ZBTB20: variants seen among roughly 807,000 people sequenced by gnomAD.
The protein encoded by ZBTB20 is zinc finger and BTB domain containing 20, also known as zinc finger and BTB domain-containing protein 20.
Under a neutral mutation model 56.9 loss-of-function variants are expected in ZBTB20, and 9 were observed. That is an observed-to-expected ratio of 0.16 (90% CI 0.10 to 0.28). The LOEUF (loss-of-function observed/expected upper bound fraction) is 0.28. Ranked by LOEUF, ZBTB20 falls within the 10% of genes least tolerant of loss-of-function variation. The probability of loss-of-function intolerance (pLI) is 1.00; values close to 1 mark genes in which losing one functional copy is unlikely to be tolerated. For missense variants in ZBTB20, 655 were observed against 1,003.0 expected, an observed-to-expected ratio of 0.65 and a Z score of 4.69; for synonymous variants, 417 against 420.7, an observed-to-expected ratio of 0.99 and a Z score of 0.11.
rs141941462 is a variant in ZBTB20, at chr3:114,940,834, T to C, written c.-456+33532A>G. Reference sequence around the variant, plus strand: ...GTTCCAAAGGAGCCTATTGCTCCTCTACTCAACAATGAAAGAAATGCATTC... The same window carrying C: ...GTTCCAAAGGAGCCTATTGCTCCTCCACTCAACAATGAAAGAAATGCATTC... On this transcript the variant is annotated intron_variant, in intron 3 of 11. Coordinates refer to ENST00000675478, the MANE Select transcript of ZBTB20 (RefSeq NM_001348800.3). 1.4e-3 allele frequency among the ~76,000 whole-genome samples: 204 copies of C among 146,192 alleles called. 6 individuals are homozygous for C. The Middle Eastern group carries it at 0.041, about 29-fold the overall frequency.
chr3:115,002,101 G>T lies in ZBTB20; in HGVS notation c.-506-27685C>A, dbSNP rs567239785. Among the ~76,000 whole-genome samples, 5 of 151,582 alleles carry T rather than the reference G, an allele frequency of 3.3e-5. No homozygotes were observed. The South Asian group carries it at 1.0e-3, about 31-fold the overall frequency. On this transcript the variant is annotated intron_variant, in intron 2 of 11. Coordinates refer to ENST00000675478, the MANE Select transcript of ZBTB20 (RefSeq NM_001348800.3). The stretch of plus-strand genomic sequence containing the variant: ...TTGACCCACATAAGTACAGTCAACT[G>T]TTCTTTGACAAAGAAGTAAAGGCAA...
intron 7 of ZBTB20, among the ~76,000 whole-genome samples, chr3:114,452,961 G>C (rs201615995): frequency 4.1e-5 from 1 of 24,148 alleles, no homozygotes; most frequent in Non-Finnish European, 4.9e-4. Flanking sequence ...TGCATTAAGA[G>C]GAGAACTTTA....
intron 3 of ZBTB20, among the ~76,000 whole-genome samples, chr3:114,952,539 A>T (rs1242178863): frequency 6.6e-6 from 1 of 152,018 alleles, no homozygotes; most frequent in Non-Finnish European, 1.5e-5. Flanking sequence ...AAAATTCTCA[A>T]ATTCTGTGAA....
intron 6 of ZBTB20, among the ~76,000 whole-genome samples, chr3:114,580,464 A>G (rs542593175): frequency 1.8e-4 from 28 of 151,898 alleles, no homozygotes; most frequent in African/African-American, 6.7e-4. Context: ...TAATGTGACT[A>G]TCCTATTCAC....
intron 3 of ZBTB20, among the ~76,000 whole-genome samples, chr3:114,919,650 AG>A (rs2075881989): frequency 6.6e-6 from 1 of 152,014 alleles, no homozygotes; most frequent in African/African-American, 2.4e-5. Context: ...GTTTGCAGTG[AG>A]CCAAGATTGT....
intron 10 of ZBTB20, among the ~76,000 whole-genome samples, chr3:114,371,764 A>G (rs2083042934): frequency 6.6e-6 from 1 of 152,212 alleles, no homozygotes; most frequent in African/African-American, 2.4e-5. Context: ...AACTTTCGTT[A>G]TAACACTTGT....
chr3:114,856,253 T>C (rs1297356181), intron 4 of ZBTB20, among the ~76,000 whole-genome samples: 2 of 152,236 alleles, frequency 1.3e-5, no homozygotes, highest in Non-Finnish European at 2.9e-5. Context: ...ATACATTATC[T>C]AATTTGATCT....
chr3:115,007,641 T>G (rs1023114106), intron 2 of ZBTB20, among the ~76,000 whole-genome samples: 3 of 151,884 alleles, frequency 2.0e-5, no homozygotes, highest in Non-Finnish European at 4.4e-5. Flanking sequence ...AAATCCTTTT[T>G]TGAAGATTTG....
chr3:114,442,323 A>C (rs1006045833), intron 7 of ZBTB20, among the ~76,000 whole-genome samples: 2 of 152,164 alleles, frequency 1.3e-5, no homozygotes, highest in Non-Finnish European at 2.9e-5. Context: ...CTACTAGAGA[A>C]TGCTCCCTGG....
At chr3:114,478,259 C>A (rs1262344076) in intron 7 of ZBTB20, among the ~76,000 whole-genome samples, 4 of 152,214 alleles carry the variant, frequency 2.6e-5, no homozygotes. Flanking sequence ...AGCCACCACA[C>A]CCAGCCTAGA....
chr3:114,692,913 G>A (rs2108322927), intron 6 of ZBTB20, among the ~76,000 whole-genome samples: 2 of 152,248 alleles, frequency 1.3e-5, no homozygotes, highest in Admixed American at 1.3e-4. Flanking sequence ...AAAGAGGATA[G>A]CCTTATTTAT....
At chr3:115,022,389 CT>C (rs2108307741) in intron 2 of ZBTB20, among the ~76,000 whole-genome samples, 1 of 151,084 alleles carries the variant, frequency 6.6e-6, no homozygotes, top group Admixed American at 6.6e-5. Context: ...AACAGTATAG[CT>C]ATTGCTCTAA....
intron 7 of ZBTB20, among the ~76,000 whole-genome samples, chr3:114,468,282 G>A (rs1305280847): frequency 6.6e-6 from 1 of 152,090 alleles, no homozygotes; most frequent in East Asian, 1.9e-4. Context: ...GGAAAATCAG[G>A]TTTTGATAGA....
intron 5 of ZBTB20, among the ~76,000 whole-genome samples, chr3:114,733,325 G>T (rs540647669): frequency 2.6e-4 from 40 of 152,118 alleles, no homozygotes; most frequent in Non-Finnish European, 4.0e-4. Flanking sequence ...GATACCCAAC[G>T]CCTGACAGAA....
intron 2 of ZBTB20, among the ~76,000 whole-genome samples, chr3:114,996,708 G>A (rs1360618726): frequency 6.6e-6 from 1 of 151,766 alleles, no homozygotes. Context: ...CTTTATAGTA[G>A]AATGATTTAT....
chr3:115,106,523 G>T (rs2083729033), intron 1 of ZBTB20, among the ~76,000 whole-genome samples: 1 of 152,102 alleles, frequency 6.6e-6, no homozygotes, highest in South Asian at 2.1e-4. Flanking sequence ...ATGAGCCACT[G>T]TGCCCGGCCA....
At chr3:114,536,065 G>A (rs1044299100) in intron 6 of ZBTB20, among the ~76,000 whole-genome samples, 4 of 152,306 alleles carry the variant, frequency 2.6e-5, no homozygotes, top group Middle Eastern at 3.4e-3. Context: ...AATGCTGGAC[G>A]CATTCCCTCT....
At chr3:114,417,212 T>C (rs2088653581) in intron 7 of ZBTB20, among the ~76,000 whole-genome samples, 2 of 152,124 alleles carry the variant, frequency 1.3e-5, no homozygotes, top group Admixed American at 6.6e-5. Flanking sequence ...ATTAAGTAAG[T>C]AATTAGTTCA....
intron 7 of ZBTB20, among the ~76,000 whole-genome samples, chr3:114,407,893 C>T (rs537342051): frequency 6.8e-6 from 1 of 147,296 alleles, no homozygotes; most frequent in Non-Finnish European, 1.5e-5. Flanking sequence ...ATGGGGGAAA[C>T]CAAATGTAAC....
Sources: allele counts gnomAD v4.1 joint callset (sites outside exome capture counted in the v4.1 genomes callset), GRCh38; gene constraint gnomAD v4.1.1; transcripts MANE v1.5; gene names NCBI Gene and HGNC (gene_info 2026-07-23, HGNC 2026-07-21).